TCF3: variants seen among roughly 807,000 people sequenced by gnomAD.
The protein encoded by TCF3 is transcription factor 3, also known as transcription factor E2-alpha.
In TCF3, 54 loss-of-function variants were observed where a neutral mutation model predicts 72.3. The observed-to-expected ratio is 0.75, with a 90% CI of 0.60 to 0.94. TCF3 has a LOEUF of 0.94. Among genes scored for constraint, TCF3 ranks in the 40% least tolerant of loss-of-function variants. The pLI is 0.00. For synonymous variants in TCF3, 525 were observed against 412.6 expected, an observed-to-expected ratio of 1.27 and a Z score of -3.30; for missense variants, 1,078 against 934.4, an observed-to-expected ratio of 1.15 and a Z score of -2.00.
intron 2 of TCF3, among the ~76,000 whole-genome samples, chr19:1,649,773 C>CAG (rs2066709364): frequency 6.6e-6 from 1 of 152,094 alleles, no homozygotes; most frequent in Non-Finnish European, 1.5e-5. Flanking sequence ...GTCAACCAGA[C>CAG]TGGAGTGCAG....
rs532954473 is a variant in TCF3, at chr19:1,632,066, T to C, written c.270A>G (p.Ser90=). ...CGAGTCCCGGTCCCAGGAATGTGGA[T>C]GAAGAGAGGCTGCTGTGCGACTCAG... ...HFTESHSSLS[S]STFLGPGLGG... The change falls in exon 5 of 19, where the codon TCA becomes TCG. Residue 90 remains serine (S), a synonymous_variant. Transcript: ENST00000262965. 6.2e-6 allele frequency: 10 copies of C among 1,613,540 alleles called. No individual in the cohort carries two copies. The African/African-American group carries it at 8.0e-5, about 13-fold the overall frequency.
rs766063050 is a variant in TCF3, at chr19:1,620,919, C to G, written c.1093+49G>C. 1.3e-5 allele frequency: 19 copies of G among 1,420,860 alleles called. No individual in the cohort carries two copies. In the East Asian group the frequency reaches 4.2e-4, roughly 32 times the overall value. The allele number at this position is 1,420,860 out of a possible 1,614,324, so 88.0% of individuals were successfully genotyped here. On this transcript the variant is annotated intron_variant, in intron 13 of 18. Transcript: ENST00000262965. Reference sequence around the variant, plus strand: ...CACAGACCTCAGCCTCCCCTCCCCCCAAACCCTCACAGACCTCAGCCTCCC... The same window carrying G: ...CACAGACCTCAGCCTCCCCTCCCCCGAAACCCTCACAGACCTCAGCCTCCC...
chr19:1,621,964 G>C lies in TCF3; in HGVS notation c.829C>G (p.Gln277Glu), dbSNP rs1305243073. The part of the protein sequence containing the change: ...GLHQHERMGY[Q>E]LHGAEVNGGL... ...CCGTTCACCTCTGCTCCATGCAGCT[G>C]GTAGCCCTGGGGGGTCAGGCAGGAG... The change falls in exon 11 of 19, where the codon CAG becomes GAG. Residue 277 changes from glutamine (Q) to glutamate (E), a missense_variant. Transcript: ENST00000262965. 1.2e-6 allele frequency: 2 copies of C among 1,605,524 alleles called. No homozygotes were observed. Among genetic ancestry groups the C allele is most frequent in the East Asian group, 4.5e-5 (2 of 44,580 alleles).
chr19:1,644,680 G>A (rs574788794), intron 3 of TCF3, among the ~76,000 whole-genome samples: 1 of 152,246 alleles, frequency 6.6e-6, no homozygotes, highest in East Asian at 1.9e-4. Flanking sequence ...AACCCAGAGG[G>A]AGCATTCTCA....
In TCF3 at chr19:1,650,165, G is replaced by A; in HGVS notation, c.72+12C>T. On this transcript the variant is annotated intron_variant, in intron 2 of 18. Coordinates refer to ENST00000262965, the MANE Select transcript of TCF3 (RefSeq NM_003200.5). The stretch of plus-strand genomic sequence containing the variant: ...AAGGGGTGTCGGGGGCTGGGCGGGG[G>A]TCCTGGCTCACCATGCTGAAGTCCA... The A allele has an allele frequency of 1.3e-6, 2 of 1,562,508 alleles. No homozygotes were observed. Among genetic ancestry groups the A allele is most frequent in the South Asian group, 1.2e-5 (1 of 84,988 alleles).
Position 1,609,926 on chromosome 19 carries a change from G to A in TCF3, c.*1781C>T, listed in dbSNP as rs1056865703. The A allele has an allele frequency of 1.7e-5, 4 of 232,740 alleles. No homozygotes were observed. Among genetic ancestry groups the A allele is most frequent in the Non-Finnish European group, 3.4e-5 (4 of 117,874 alleles). The allele number at this position is 232,740 out of a possible 1,614,324, so 14.4% of individuals were successfully genotyped here. A position where few individuals can be genotyped will look rare whatever the true frequency, so the allele number is the denominator to read the frequency against. The stretch of plus-strand genomic sequence containing the variant: ...GGGGATGAACACAGCCAGCCCAGGG[G>A]TCCACAAGGCCTCAATGCAGGGAGG... On this transcript the variant is annotated 3_prime_UTR_variant, in exon 19 of 19. Transcript: ENST00000262965.
intron 3 of TCF3, among the ~76,000 whole-genome samples, chr19:1,644,710 C>A (rs1362706516): frequency 6.6e-6 from 1 of 152,192 alleles, no homozygotes; most frequent in Non-Finnish European, 1.5e-5. Flanking sequence ...GGCCTACACA[C>A]CACAGCTCTG....
chr19:1,612,362 G>C (rs201939465), intron 18 of TCF3: 2 of 1,613,936 alleles, frequency 1.2e-6, no homozygotes, highest in South Asian at 1.1e-5. Context: ...CCGCTCCCGC[G>C]CGTTATTGGC....
Position 1,621,134 on chromosome 19 carries a change from G to T in TCF3, c.1013C>A (p.Ser338Ter). The T allele has an allele frequency of 6.5e-7, 1 of 1,540,570 alleles. No individual in the cohort carries two copies. The stretch of plus-strand genomic sequence containing the variant: ...CACCCCCCATGCCCCACGCCTCACC[G>T]AGGCCAGTGCTTTGCCGAGGGCATC... Reference protein sequence around the residue: ...SGDALGKALASIYSPDHSSNN... With the variant: ...SGDALGKALA Residue 338 changes from serine (S) to a stop codon, truncating the protein, a stop_gained and splice_region_variant, in exon 12 of 19, where the codon TCG (serine) becomes TAG (stop). Transcript: ENST00000262965. LOFTEE classifies it high-confidence loss of function.
At position 1,650,267 on chromosome 19, in the gene TCF3, G is replaced by C. The variant is rs749766760; in HGVS notation, c.-19C>G. 6.4e-7 allele frequency: 1 copy of C among 1,553,346 alleles called. No homozygotes were observed. ...GGTTCATTCTCCTGGGGCCAGGGCG[G>C]GCACCTCAGGCCTGGAAACCCTGCT... On this transcript the variant is annotated 5_prime_UTR_variant, in exon 2 of 19. Coordinates refer to ENST00000262965, the MANE Select transcript of TCF3 (RefSeq NM_003200.5).
chr19:1,630,570 G>A (rs998626827), intron 5 of TCF3, among the ~76,000 whole-genome samples: 1 of 152,184 alleles, frequency 6.6e-6, no homozygotes, highest in African/African-American at 2.4e-5. Flanking sequence ...CCTGGGCCCC[G>A]CAGCAGGTCC....
chr19:1,627,812 GT>G (rs2063105168), intron 5 of TCF3, among the ~76,000 whole-genome samples: 1 of 126,402 alleles, frequency 7.9e-6, no homozygotes. Context: ...CTCACAGGGG[GT>G]GAGGCGGGAA....
At chr19:1,627,773 C>CAG (rs59452682) in intron 5 of TCF3, among the ~76,000 whole-genome samples, 294 of 141,082 alleles carry the variant, frequency 2.1e-3, no homozygotes, top group African/African-American at 6.5e-3. Context: ...GCAGAGCTCA[C>CAG]GGGGTGAGGT....
chr19:1,621,708 GACA>G (rs2062242665), intron 11 of TCF3, 127 bp downstream of exon 11: 3 of 1,270,352 alleles, frequency 2.4e-6, no homozygotes, highest in African/African-American at 1.5e-5. Context: ...AATGAGAACT[GACA>G]ACAACCCGCT....
Position 1,611,595 on chromosome 19 carries a change from A to G in TCF3, c.*112T>C. 1.4e-6 allele frequency: 2 copies of G among 1,419,032 alleles called. No individual in the cohort carries two copies. The highest frequency in any genetic ancestry group is 1.9e-6 in the Non-Finnish European group (2 of 1,060,026). 87.9% of individuals were successfully genotyped at this position (1,419,032 alleles called of 1,614,324 possible). On this transcript the variant is annotated 3_prime_UTR_variant, in exon 19 of 19. Coordinates refer to ENST00000262965, the MANE Select transcript of TCF3 (RefSeq NM_003200.5). ...TCAGGTTGGTGTTGGCTCGATGCTGACAACAGGTGTGTGAGGTGTGGATGT... is the reference window on the plus strand; with the variant it reads ...TCAGGTTGGTGTTGGCTCGATGCTGGCAACAGGTGTGTGAGGTGTGGATGT...
chr19:1,650,454 G>A lies in TCF3; in HGVS notation c.-39-167C>T, dbSNP rs188965402. The A allele has an allele frequency of 1.5e-3, 869 of 578,126 alleles. 4 individuals carry two copies. Among genetic ancestry groups the A allele is most frequent in the Non-Finnish European group, 2.2e-3 (714 of 325,286 alleles). The allele number at this position is 578,126 out of a possible 1,614,324, so 35.8% of individuals were successfully genotyped here. A position where few individuals can be genotyped will look rare whatever the true frequency, so the allele number is the denominator to read the frequency against. ...GGCACGGGGAGCCCTGGGAGCAGGCGCAGGGAAGCTGGAATTCCAGAGTCT... is the reference window on the plus strand; with the variant it reads ...GGCACGGGGAGCCCTGGGAGCAGGCACAGGGAAGCTGGAATTCCAGAGTCT... On this transcript the variant is annotated intron_variant, in intron 1 of 18. Coordinates refer to ENST00000262965, the MANE Select transcript of TCF3 (RefSeq NM_003200.5).
intron 6 of TCF3, among the ~76,000 whole-genome samples, chr19:1,626,650 C>A (rs1026540945): frequency 6.6e-6 from 1 of 152,046 alleles, no homozygotes; most frequent in African/African-American, 2.4e-5. Context: ...ATGGGGAGCC[C>A]GGGCACTTGC....
chr19:1,611,311 G>C lies in TCF3; in HGVS notation c.*396C>G. 2.6e-6 allele frequency: 1 copy of C among 377,458 alleles called. No homozygotes were observed. Among genetic ancestry groups the C allele is most frequent in the East Asian group, 3.8e-5 (1 of 26,180 alleles). The allele number at this position is 377,458 out of a possible 1,614,324, so 23.4% of individuals were successfully genotyped here. A position where few individuals can be genotyped will look rare whatever the true frequency, so the allele number is the denominator to read the frequency against. On this transcript the variant is annotated 3_prime_UTR_variant, in exon 19 of 19. Coordinates refer to ENST00000262965, the MANE Select transcript of TCF3 (RefSeq NM_003200.5). ...CATTTCTCCGCTTTTTATAGTTAAG[G>C]CATTTTTTTCTTCTCTGACAAAGTG...
chr19:1,623,937 C>T lies in TCF3; in HGVS notation c.549+14G>A. 4 of 1,613,212 alleles carry T rather than the reference C, an allele frequency of 2.5e-6. No individual in the cohort carries two copies. Among genetic ancestry groups the T allele is most frequent in the Non-Finnish European group, 3.4e-6 (4 of 1,179,830 alleles). On this transcript the variant is annotated intron_variant, in intron 8 of 18. Transcript: ENST00000262965. ...TGACGAGCTGTGGGGTCCCTTCTCC[C>T]TCGTGCGACTCACCGAGGATGGAAG...
Sources: allele counts gnomAD v4.1 joint callset (sites outside exome capture counted in the v4.1 genomes callset), GRCh38; gene constraint gnomAD v4.1.1; transcripts MANE v1.5; gene names NCBI Gene and HGNC (gene_info 2026-07-23, HGNC 2026-07-21).